ROBO2: variants seen among roughly 807,000 people sequenced by gnomAD.
The protein encoded by ROBO2 is roundabout guidance receptor 2.
In ROBO2, 53 loss-of-function variants were observed where a neutral mutation model predicts 160.8. The ratio of observed to expected loss-of-function variants is 0.33; its 90% CI spans 0.26 to 0.41. The LOEUF is 0.41. ROBO2 is among the 10% of genes least tolerant of loss of function. The probability of loss-of-function intolerance (pLI) is 1.00; values close to 1 mark genes in which losing one functional copy is unlikely to be tolerated. For missense variants in ROBO2, 1,577 were observed against 1,722.4 expected (o/e 0.92, Z 1.49); for synonymous variants, 664 against 611.7 (o/e 1.09, Z -1.26).
chr3:77,644,820 G>A lies in ROBO2; in HGVS notation c.4051G>A (p.Ala1351Thr). ...ACCTAGGAAAACCGAGGTGTTGAGA[G>A]CAGGCCACCAGCGCAATGCCAGCGA... The change falls in exon 25 of 26, where the codon GCA becomes ACA. Residue 1351 changes from alanine (A) to threonine (T), a missense_variant. By Grantham distance (58) the Ala-to-Thr change is moderately conservative (BLOSUM62 0). This residue lies in a region of ROBO2 where 637 missense variants were observed against 586.9 expected (regional missense o/e 1.09). Transcript: ENST00000461745. The A allele has an allele frequency of 1.9e-6, 3 of 1,614,108 alleles. No individual in the cohort carries two copies. Among genetic ancestry groups the A allele is most frequent in the Non-Finnish European group, 2.5e-6 (3 of 1,180,014 alleles).
chr3:75,955,357 GA>G (rs1948685004), intron 2 of ROBO2, among the ~76,000 whole-genome samples: 1 of 151,658 alleles, frequency 6.6e-6, no homozygotes, highest in African/African-American at 2.4e-5. Flanking sequence ...TTCTTTGCAA[GA>G]AAAATCATTT....
chr3:75,916,983 A>C (rs374994169), intron 1 of ROBO2, among the ~76,000 whole-genome samples: 1 of 39,602 alleles, frequency 2.5e-5, no homozygotes, highest in East Asian at 1.3e-3. Flanking sequence ...CATGTTTTCT[A>C]TATATATATA....
intron 2 of ROBO2, among the ~76,000 whole-genome samples, chr3:76,371,929 CTTT>C (rs2076123538): frequency 6.6e-6 from 1 of 151,710 alleles, no homozygotes; most frequent in Non-Finnish European, 1.5e-5. Flanking sequence ...AATGGAATGT[CTTT>C]TATAAGAGAT....
chr3:77,079,833 T>A (rs1278390929), intron 1 of ROBO2, among the ~76,000 whole-genome samples: 1 of 152,136 alleles, frequency 6.6e-6, no homozygotes, highest in Non-Finnish European at 1.5e-5. Flanking sequence ...TCACGTAGGC[T>A]CAAGTGAATA....
chr3:76,379,698 A>C (rs550549471), intron 2 of ROBO2, among the ~76,000 whole-genome samples: 1 of 152,294 alleles, frequency 6.6e-6, no homozygotes, highest in East Asian at 1.9e-4. Flanking sequence ...TTAAACGTGA[A>C]CTTTATGACA....
At chr3:77,037,686 T>C (rs2063722114), upstream of ROBO2, among the ~76,000 whole-genome samples, 1 of 152,176 alleles carries the variant, frequency 6.6e-6, no homozygotes, top group Admixed American at 6.5e-5. Context: ...TCTGAGTGAT[T>C]TTATAGTTTA....
chr3:77,319,207 T>C (rs1372427), intron 2 of ROBO2, among the ~76,000 whole-genome samples: 24,908 of 152,226 alleles, frequency 0.16, 2,311 homozygotes, highest in Admixed American at 0.28. Flanking sequence ...TTGAATCTAA[T>C]GAAAGTAAAA....
At chr3:76,728,952 C>G (rs1188625527) in intron 2 of ROBO2, among the ~76,000 whole-genome samples, 1 of 152,062 alleles carries the variant, frequency 6.6e-6, no homozygotes, top group Non-Finnish European at 1.5e-5. Context: ...ACTCCTCCTT[C>G]CCTATCTCTA....
At chr3:75,938,286 G>A (rs989952015) in intron 2 of ROBO2, among the ~76,000 whole-genome samples, 1 of 151,944 alleles carries the variant, frequency 6.6e-6, no homozygotes, top group East Asian at 1.9e-4. Context: ...GCCAAATCTA[G>A]TATCTCTGAG....
chr3:77,533,148 A>G (rs2091868666), intron 6 of ROBO2, among the ~76,000 whole-genome samples: 2 of 152,160 alleles, frequency 1.3e-5, no homozygotes, highest in Admixed American at 6.5e-5. Flanking sequence ...GTTGTTTTCA[A>G]TATCTTACTA....
intron 2 of ROBO2, among the ~76,000 whole-genome samples, chr3:77,469,270 G>C (rs940876980): frequency 1.5e-4 from 23 of 152,182 alleles, no homozygotes; most frequent in Non-Finnish European, 3.4e-4. Context: ...ATGTCCTTAA[G>C]AGCCCAGATT....
chr3:76,658,834 G>A (rs2091694061), intron 2 of ROBO2, among the ~76,000 whole-genome samples: 1 of 152,068 alleles, frequency 6.6e-6, no homozygotes. Flanking sequence ...ATCTTTTCAT[G>A]CTAGGATATA....
At chr3:77,030,255 C>T (rs891584230) in intron 2 of ROBO2, among the ~76,000 whole-genome samples, 44 of 152,102 alleles carry the variant, frequency 2.9e-4, no homozygotes, top group African/African-American at 9.7e-4. Flanking sequence ...AAGTACCATT[C>T]GGTTCTGAAC....
At chr3:76,622,239 A>AAGGAAGGAAGG (rs1560252129) in intron 2 of ROBO2, among the ~76,000 whole-genome samples, 12 of 32,638 alleles carry the variant, frequency 3.7e-4, no homozygotes, top group African/African-American at 1.2e-3. Context: ...AGGAAGGAAG[A>AAGGAAGGAAGG]AAGAAAGAAA....
At chr3:76,529,944 C>T (rs1316292895) in intron 2 of ROBO2, among the ~76,000 whole-genome samples, 1 of 152,140 alleles carries the variant, frequency 6.6e-6, no homozygotes, top group Admixed American at 6.6e-5. Flanking sequence ...CCTGCTTTGG[C>T]CTCCCTATGT....
At chr3:76,817,065 G>A (rs1447119998) in intron 2 of ROBO2, among the ~76,000 whole-genome samples, 2 of 152,000 alleles carry the variant, frequency 1.3e-5, no homozygotes, top group Non-Finnish European at 1.5e-5. Context: ...ACACTGGAGA[G>A]TGTGGGGGGC....
intron 23 of ROBO2, chr3:77,631,849 A>G (rs2095169780): frequency 6.6e-6 from 1 of 152,116 alleles, no homozygotes. Flanking sequence ...TAAAAGGCAA[A>G]GTAAGCAGAA....
At chr3:76,011,256 C>T (rs886720989) in intron 2 of ROBO2, among the ~76,000 whole-genome samples, 19 of 152,126 alleles carry the variant, frequency 1.2e-4, no homozygotes, top group African/African-American at 4.6e-4. Flanking sequence ...TTCCCGCGAT[C>T]ACTTCAAGGT....
intron 2 of ROBO2, among the ~76,000 whole-genome samples, chr3:77,000,581 C>CA (rs5850305): frequency 1.3e-5 from 2 of 151,882 alleles, no homozygotes; most frequent in Admixed American, 6.6e-5. Context: ...ATTTTCATGA[C>CA]TTTTTTTCTA....
Sources: allele counts gnomAD v4.1 joint callset (sites outside exome capture counted in the v4.1 genomes callset), GRCh38; gene constraint gnomAD v4.1.1; regional missense constraint gnomAD v4.1.1; transcripts MANE v1.5; gene names NCBI Gene and HGNC (gene_info 2026-07-23, HGNC 2026-07-21).